The following KDM4C variants were observed in gnomAD, a reference collection of about 807,000 sequenced individuals.
The protein encoded by KDM4C is lysine demethylase 4C, also known as lysine-specific demethylase 4C.
Under a neutral mutation model 129.3 loss-of-function variants are expected in KDM4C, and 81 were observed. The observed-to-expected ratio is 0.63, with a 90% CI of 0.52 to 0.75. KDM4C has a LOEUF of 0.75. KDM4C is among the 30% of genes least tolerant of loss of function. KDM4C has a pLI of 0.00. For missense variants in KDM4C, 1,457 were observed against 1,304.0 expected (o/e 1.12, Z -1.81); for synonymous variants, 573 against 456.1 (o/e 1.26, Z -3.26).
At chr9:6,992,296 T>C (rs1818897236) in intron 12 of KDM4C, among the ~76,000 whole-genome samples, 1 of 152,224 alleles carries the variant, frequency 6.6e-6, no homozygotes, top group South Asian at 2.1e-4. Flanking sequence ...GCCCAGAGTT[T>C]CTTTTTGGAA....
At position 6,729,152 on chromosome 9, in the gene KDM4C, C is replaced by G. The variant is rs1361162122; in HGVS notation, c.49+8155C>G. On this transcript the variant is annotated intron_variant, in intron 1 of 17. Coordinates refer to the KDM4C transcript ENST00000536108. ...CCGGGAAGCAGAGGTTGCAGTGAGC[C>G]GAGATCACGCCACTGCACTCCAGCC... 2.7e-5 allele frequency among the ~76,000 whole-genome samples: 2 copies of G among 74,716 alleles called. 1 individual carries two copies. The highest frequency in any genetic ancestry group is 1.7e-4 in the African/African-American group (2 of 11,540). The allele number at this position is 74,716 out of a possible 152,430, so 49.0% of individuals were successfully genotyped here.
At chr9:7,028,047 T>G (rs1826086548) in intron 15 of KDM4C, among the ~76,000 whole-genome samples, 2 of 152,150 alleles carry the variant, frequency 1.3e-5, no homozygotes, top group Non-Finnish European at 2.9e-5. Flanking sequence ...GGCCTGGAAT[T>G]GAGGACCCCA....
chr9:6,750,078 A>G (rs1427118572), intron 1 of KDM4C, among the ~76,000 whole-genome samples: 1 of 151,916 alleles, frequency 6.6e-6, no homozygotes, highest in African/African-American at 2.4e-5. Context: ...AATGTAAGGC[A>G]ATTTGTAGAC....
In KDM4C at chr9:7,026,525, T is replaced by C. The variant is rs571786194; in HGVS notation, c.2259+10596T>C. Among the ~76,000 whole-genome samples, 7 of 152,298 alleles carry C rather than the reference T, an allele frequency of 4.6e-5. No homozygotes were observed. In the East Asian group the frequency reaches 1.3e-3, roughly 29 times the overall value. On this transcript the variant is annotated intron_variant, in intron 15 of 21. Coordinates refer to ENST00000381309, the MANE Select transcript of KDM4C (RefSeq NM_015061.6). ...TGCTTTTAGGATCCTTTTTTTCCCC[T>C]TGACCTTTGGGAGTTTGATTATTAA... is the stretch of plus-strand genomic sequence containing the variant.
intron 18 of KDM4C, among the ~76,000 whole-genome samples, chr9:7,126,684 G>C (rs1840057011): frequency 6.6e-6 from 1 of 152,108 alleles, no homozygotes; most frequent in Non-Finnish European, 1.5e-5. Flanking sequence ...TGGAAAGGTT[G>C]AGAATCAAAG....
At chr9:7,004,283 T>A (rs1821257127) in intron 12 of KDM4C, among the ~76,000 whole-genome samples, 1 of 152,238 alleles carries the variant, frequency 6.6e-6, no homozygotes, top group African/African-American at 2.4e-5. Flanking sequence ...CAAAAATCTG[T>A]TCTTAAGGCA....
chr9:6,822,758 A>G (rs1009231467), intron 4 of KDM4C, among the ~76,000 whole-genome samples: 3 of 152,240 alleles, frequency 2.0e-5, no homozygotes, highest in Non-Finnish European at 4.4e-5. Flanking sequence ...AGAGGGACTG[A>G]GAGAAAATAA....
chr9:6,760,374 T>C (rs1247782117), intron 1 of KDM4C, among the ~76,000 whole-genome samples: 2 of 151,844 alleles, frequency 1.3e-5, no homozygotes, highest in Non-Finnish European at 2.9e-5. Context: ...TTATCTCTGC[T>C]TTTGGCTGAG....
intron 17 of KDM4C, among the ~76,000 whole-genome samples, chr9:7,102,806 T>C (rs1481393437): frequency 6.6e-6 from 1 of 152,192 alleles, no homozygotes; most frequent in Non-Finnish European, 1.5e-5. Flanking sequence ...ATTTGAGCTT[T>C]TGATCATTGT....
intron 17 of KDM4C, among the ~76,000 whole-genome samples, chr9:7,096,506 C>T (rs1426945083): frequency 1.3e-5 from 2 of 152,082 alleles, no homozygotes; most frequent in Non-Finnish European, 2.9e-5. Flanking sequence ...AGTGACTTGC[C>T]CTTATTCCTG....
intron 12 of KDM4C, among the ~76,000 whole-genome samples, chr9:6,995,946 G>T (rs1325823011): frequency 6.6e-6 from 1 of 152,184 alleles, no homozygotes; most frequent in African/African-American, 2.4e-5. Context: ...GGGATTACAG[G>T]CGTGAGCCAC....
chr9:6,887,889 A>C (rs1028111215), intron 6 of KDM4C, 71 bp from the exon 7 acceptor site: 7 of 904,096 alleles, frequency 7.7e-6, no homozygotes, highest in Non-Finnish European at 1.1e-5. Flanking sequence ...TAGAACTTAC[A>C]CATTAAAAAA....
intron 1 of KDM4C, among the ~76,000 whole-genome samples, chr9:6,728,969 G>A (rs1402696435): frequency 6.6e-6 from 1 of 151,994 alleles, no homozygotes; most frequent in Non-Finnish European, 1.5e-5. Flanking sequence ...ACTTTGGGAG[G>A]TCGAGGTGGA....
chr9:7,173,096 C>T (rs1193657778), intron 21 of KDM4C, among the ~76,000 whole-genome samples: 1 of 152,254 alleles, frequency 6.6e-6, no homozygotes, highest in African/African-American at 2.4e-5. Flanking sequence ...ATTGGGTACA[C>T]AGTCCCTAAT....
intron 8 of KDM4C, among the ~76,000 whole-genome samples, chr9:6,930,848 T>C (rs1409762453): frequency 6.6e-6 from 1 of 152,046 alleles, no homozygotes; most frequent in East Asian, 1.9e-4. Flanking sequence ...TTAGTTCCTT[T>C]CAATTTAGTG....
Position 6,826,167 on chromosome 9 carries a change from C to T in KDM4C, c.435+11422C>T, listed in dbSNP as rs112019628. On this transcript the variant is annotated intron_variant, in intron 4 of 21. Coordinates refer to ENST00000381309, the MANE Select transcript of KDM4C (RefSeq NM_015061.6). ...AATGTTTTATATATTTCTTCTTGAG[C>T]TGGGGAAAAGTTTTTTTTTTTTTGC... Among the ~76,000 whole-genome samples, 627 of 151,608 alleles carry T rather than the reference C, an allele frequency of 4.1e-3. 6 individuals carry two copies. The highest frequency in any genetic ancestry group is 0.013 in the African/African-American group (550 of 41,342).
At chr9:7,174,089 T>G (rs1199177230) in intron 21 of KDM4C, among the ~76,000 whole-genome samples, 1 of 152,192 alleles carries the variant, frequency 6.6e-6, no homozygotes, top group Non-Finnish European at 1.5e-5. Flanking sequence ...AGTAATTAGT[T>G]GGCAGACTAG....
intron 8 of KDM4C, among the ~76,000 whole-genome samples, chr9:6,941,035 C>CTTT (rs34567518): frequency 6.9e-6 from 1 of 145,194 alleles, no homozygotes; most frequent in Non-Finnish European, 1.5e-5. Flanking sequence ...GCATCTCTTC[C>CTTT]TTTTTTTTTT....
intron 8 of KDM4C, among the ~76,000 whole-genome samples, chr9:6,946,071 A>G (rs998802856): frequency 2.6e-5 from 4 of 152,138 alleles, no homozygotes; most frequent in African/African-American, 9.7e-5. Context: ...CAGTCACTTC[A>G]TTTGTCATTA....
Sources: gnomAD v4.1 joint callset for allele counts (sites outside exome capture counted in the v4.1 genomes callset) on GRCh38, gnomAD v4.1.1 for gene constraint, MANE v1.5 for transcripts, NCBI Gene and HGNC (gene_info 2026-07-23, HGNC 2026-07-21) for gene names.